Variants in MAST2 observed in about 807,000 individuals in gnomAD.
The protein encoded by MAST2 is microtubule associated serine/threonine kinase 2, also known as microtubule-associated serine/threonine-protein kinase 2.
In MAST2, 70 loss-of-function variants were observed where a neutral mutation model predicts 147.4. The ratio of observed to expected loss-of-function variants is 0.47; its 90% CI spans 0.39 to 0.58. MAST2 has a LOEUF of 0.58. Ranked by LOEUF, MAST2 falls within the 20% of genes least tolerant of loss-of-function variation. The probability of loss-of-function intolerance (pLI) is 0.00; values close to 1 mark genes in which losing one functional copy is unlikely to be tolerated. For missense variants in MAST2, 2,080 were observed against 2,302.3 expected (o/e 0.90, Z 1.98); for synonymous variants, 869 against 896.8 (o/e 0.97, Z 0.55).
At chr1:45,987,871 A>C (rs576717392) in intron 5 of MAST2, among the ~76,000 whole-genome samples, 1 of 135,304 alleles carries the variant, frequency 7.4e-6, no homozygotes, top group East Asian at 2.2e-4. Flanking sequence ...TTTTGGGTTC[A>C]GGTGGTCCTC....
At chr1:45,847,956 A>G (rs1398391479) in intron 3 of MAST2, among the ~76,000 whole-genome samples, 1 of 152,226 alleles carries the variant, frequency 6.6e-6, no homozygotes, top group African/African-American at 2.4e-5. Context: ...CATATAGACA[A>G]TATAATTACT....
intron 3 of MAST2, among the ~76,000 whole-genome samples, chr1:45,856,404 A>G (rs926586069): frequency 6.6e-6 from 1 of 152,230 alleles, no homozygotes; most frequent in Non-Finnish European, 1.5e-5. Context: ...CTTTTCAGAC[A>G]AGGTATAGTG....
At position 46,010,880 on chromosome 1, in the gene MAST2, C is replaced by T; in HGVS notation, c.1129C>T (p.Leu377Phe). 3 of 1,614,196 alleles carry T rather than the reference C, an allele frequency of 1.9e-6. No individual in the cohort carries two copies. Among genetic ancestry groups the T allele is most frequent in the Non-Finnish European group, 1.7e-6 (2 of 1,180,040 alleles). The change falls in exon 10 of 29, where the codon CTC (leucine) becomes TTC (phenylalanine). Residue 377 changes from leucine (L) to phenylalanine (F), a missense_variant. Coordinates refer to ENST00000361297, the MANE Select transcript of MAST2 (RefSeq NM_015112.3). ...RDCLDKSRSG[L>F]ITSQYFYELQ... is the part of the protein sequence containing the mutation. ...CTGCCTGGATAAATCTCGGAGTGGC[C>T]TCATTACATCACAATACTTCTACGA... is the stretch of plus-strand genomic sequence containing the variant.
In MAST2 at chr1:45,864,408, C is replaced by T. The variant is rs547569556; in HGVS notation, c.469-17956C>T. Among the ~76,000 whole-genome samples, 12 of 152,228 alleles carry T rather than the reference C, an allele frequency of 7.9e-5. No homozygotes were observed. The South Asian group carries it at 1.5e-3, about 18-fold the overall frequency. On this transcript the variant is annotated intron_variant, in intron 3 of 28. Transcript: ENST00000361297. ...TCTAGCTCCTGAAGAAAGAGGCTTT[C>T]GTTACTGTCCAAGAAGTGAAGACCA... is the stretch of plus-strand genomic sequence containing the variant.
intron 3 of MAST2, among the ~76,000 whole-genome samples, chr1:45,866,787 G>A (rs976334025): frequency 6.6e-6 from 1 of 151,700 alleles, no homozygotes; most frequent in East Asian, 1.9e-4. Flanking sequence ...TGTCACCCAG[G>A]CTGGAGGTGC....
intron 3 of MAST2, among the ~76,000 whole-genome samples, chr1:45,880,806 C>T (rs1351325361): frequency 6.6e-6 from 1 of 151,282 alleles, no homozygotes; most frequent in Admixed American, 6.6e-5. Flanking sequence ...CATGGTGAAC[C>T]CCTGTCTCTA....
chr1:45,819,346 C>T (rs912090170), intron 1 of MAST2, among the ~76,000 whole-genome samples: 7 of 151,222 alleles, frequency 4.6e-5, no homozygotes, highest in African/African-American at 1.7e-4. Flanking sequence ...CCTAGTAGTA[C>T]TGGAAGTCTT....
intron 4 of MAST2, among the ~76,000 whole-genome samples, chr1:45,943,611 G>A (rs1657625646): frequency 6.6e-6 from 1 of 152,166 alleles, no homozygotes; most frequent in South Asian, 2.1e-4. Flanking sequence ...TGGGCGTGGT[G>A]ACGCGTGCCT....
intron 4 of MAST2, among the ~76,000 whole-genome samples, chr1:45,940,280 A>G (rs1296505429): frequency 6.6e-6 from 1 of 152,052 alleles, no homozygotes; most frequent in African/African-American, 2.4e-5. Flanking sequence ...GGCATGAGTC[A>G]CCATGCCCGG....
At chr1:46,014,898 A>G (rs975245056) in intron 10 of MAST2, among the ~76,000 whole-genome samples, 6 of 152,196 alleles carry the variant, frequency 3.9e-5, no homozygotes, top group African/African-American at 1.4e-4. Context: ...CATCACACCT[A>G]TTCCAAAATT....
chr1:45,972,631 C>T (rs1643962652), intron 5 of MAST2, among the ~76,000 whole-genome samples: 2 of 152,170 alleles, frequency 1.3e-5, no homozygotes, highest in Admixed American at 6.5e-5. Flanking sequence ...TTCATTATCC[C>T]TTACTCCTGT....
chr1:46,006,800 G>A (rs1412071014), intron 8 of MAST2, among the ~76,000 whole-genome samples: 1 of 152,258 alleles, frequency 6.6e-6, no homozygotes, highest in Middle Eastern at 3.4e-3. Context: ...TTTAAAGGTA[G>A]TTAGCAGCAG....
intron 10 of MAST2, among the ~76,000 whole-genome samples, chr1:46,016,651 C>T (rs536397573): frequency 1.2e-5 from 1 of 83,562 alleles, no homozygotes; most frequent in Admixed American, 1.2e-4. Context: ...AGGAGAACTA[C>T]AAACCACTGC....
At chr1:45,811,034 A>G (rs1644275754) in intron 1 of MAST2, among the ~76,000 whole-genome samples, 1 of 150,838 alleles carries the variant, frequency 6.6e-6, no homozygotes, top group African/African-American at 2.4e-5. Flanking sequence ...GTATTTTAGT[A>G]GAGACGGAGT....
At chr1:45,816,224 A>G (rs1644449708) in intron 1 of MAST2, among the ~76,000 whole-genome samples, 1 of 148,876 alleles carries the variant, frequency 6.7e-6, no homozygotes, top group East Asian at 2.1e-4. Context: ...AGAGAGAAAG[A>G]GAGAGAGAGA....
intron 4 of MAST2, among the ~76,000 whole-genome samples, chr1:45,939,989 T>TTTTGTTTTTTTTGTTTTTTTTG (rs776892902): frequency 0.3 from 38,718 of 128,562 alleles, 6,643 homozygotes; most frequent in South Asian, 0.39. Context: ...GGTTTTTTTT[T>TTTTGTTTTTTTTGTTTTTTTTG]TTTTTTTTTT....
chr1:45,957,452 G>T (rs562824033), intron 4 of MAST2, among the ~76,000 whole-genome samples: 14 of 152,198 alleles, frequency 9.2e-5, no homozygotes, highest in African/African-American at 3.4e-4. Flanking sequence ...ATGATTATTG[G>T]TATGATTGGG....
chr1:46,030,441 C>A, intron 21 of MAST2, 166 bp from the exon 22 acceptor site: 1 of 892,778 alleles, frequency 1.1e-6, no homozygotes, highest in Non-Finnish European at 1.7e-6. Context: ...GATGCCAGGT[C>A]AGATCAGTGG....
At chr1:46,019,519 C>A in intron 10 of MAST2, 77 bp from the exon 11 acceptor site, 1 of 1,123,838 alleles carries the variant, frequency 8.9e-7, no homozygotes, top group Non-Finnish European at 1.3e-6. Context: ...TCCCTGGAGT[C>A]AGCTCTGCCC....
Sources: gnomAD v4.1 joint callset for allele counts (sites outside exome capture counted in the v4.1 genomes callset) on GRCh38, gnomAD v4.1.1 for gene constraint, MANE v1.5 for transcripts, NCBI Gene and HGNC (gene_info 2026-07-23, HGNC 2026-07-21) for gene names.